The following WDR7 variants were observed in gnomAD, a reference collection of about 807,000 sequenced individuals.
WDR7 encodes the protein WD repeat domain 7.
WDR7 carries 46 observed loss-of-function variants against 169.4 expected under a neutral mutation model. The observed-to-expected ratio is 0.27, with a 90% confidence interval of 0.21 to 0.35. The LOEUF (loss-of-function observed/expected upper bound fraction) is 0.35, where lower values mean the gene tolerates loss of function less well. Ranked by LOEUF, WDR7 falls within the 10% of genes least tolerant of loss-of-function variation. The pLI is 1.00. For missense variants in WDR7, 1,534 were observed against 1,859.3 expected (o/e 0.83, Z 3.22); for synonymous variants, 612 against 666.8 (o/e 0.92, Z 1.27).
At chr18:56,926,558 C>T (rs1311544888) in intron 22 of WDR7, among the ~76,000 whole-genome samples, 1 of 152,068 alleles carries the variant, frequency 6.6e-6, no homozygotes. Context: ...TAGGCTTGTA[C>T]CAGCAAGCAT....
At chr18:56,982,313 C>T (rs1896651387) in intron 26 of WDR7, among the ~76,000 whole-genome samples, 1 of 152,166 alleles carries the variant, frequency 6.6e-6, no homozygotes, top group Admixed American at 6.6e-5. Context: ...GATTAATGAG[C>T]ATATCTGTTT....
chr18:56,921,881 C>G (rs1317791320), intron 21 of WDR7, among the ~76,000 whole-genome samples: 1 of 152,302 alleles, frequency 6.6e-6, no homozygotes, highest in Non-Finnish European at 1.5e-5. Flanking sequence ...AGGAATCAGT[C>G]AGGCCTCTAG....
At position 56,716,471 on chromosome 18, in the gene WDR7, G is replaced by C. The variant is rs748043150; in HGVS notation, c.1579-1493G>C. ...TAAGAATAAATAGTTAAATATTACTGTTATTTTTGTTTTATTACTATGCAG... is the reference window on the plus strand; with the variant it reads ...TAAGAATAAATAGTTAAATATTACTCTTATTTTTGTTTTATTACTATGCAG... On this transcript the variant is annotated intron_variant, in intron 12 of 27. Transcript: ENST00000254442. 4.6e-5 allele frequency among the ~76,000 whole-genome samples: 7 copies of C among 152,178 alleles called. 1 individual carries two copies. The highest frequency in any genetic ancestry group is 6.8e-3 in the Middle Eastern group (2 of 294).
intron 26 of WDR7, among the ~76,000 whole-genome samples, chr18:56,974,362 C>CTTTT (rs34901751): frequency 0.025 from 2,810 of 111,734 alleles, 180 homozygotes; most frequent in African/African-American, 0.092. Context: ...GCTTTTCTTG[C>CTTTT]TTTTTTTTTT....
intron 20 of WDR7, among the ~76,000 whole-genome samples, chr18:56,829,676 C>A (rs2045274750): frequency 2.0e-5 from 3 of 152,154 alleles, no homozygotes; most frequent in Admixed American, 2.0e-4. Context: ...TTATCAAAAA[C>A]CACATGATTG....
At chr18:56,816,010 T>C (rs1488410205) in intron 19 of WDR7, 21 bp from the exon 20 acceptor site, 8 of 1,555,726 alleles carry the variant, frequency 5.1e-6, no homozygotes, top group African/African-American at 2.8e-5. Flanking sequence ...AGTGAAGCCT[T>C]GTGATTCATA....
Position 56,686,023 on chromosome 18 carries a change from T to A in WDR7, c.588T>A (p.Ser196Arg). 2.5e-6 allele frequency: 4 copies of A among 1,595,680 alleles called. No homozygotes were observed. The highest frequency in any genetic ancestry group is 2.6e-6 in the Non-Finnish European group (3 of 1,173,902). The part of the protein sequence containing the change: ...LKVWIVTSEI[S>R]DMQDTEPIFE... ...TCTGGATTGTTACCTCGGAAATAAG[T>A]GACATGCAGGTGAGAAAAAGGAAAC... The change falls in exon 6 of 28, where the codon AGT becomes AGA. Residue 196 changes from serine (S) to arginine (R), a missense_variant. Coordinates refer to ENST00000254442, the MANE Select transcript of WDR7 (RefSeq NM_015285.3).
At chr18:56,901,925 C>G (rs1291552926) in intron 21 of WDR7, among the ~76,000 whole-genome samples, 1 of 152,086 alleles carries the variant, frequency 6.6e-6, no homozygotes. Flanking sequence ...AGAGGATTTA[C>G]TAGTGTCTTT....
rs1345683405 is a variant in WDR7, at chr18:56,757,171, C to T, written c.2578C>T (p.His860Tyr). The change falls in exon 15 of 28, where the codon CAT becomes TAT. Residue 860 changes from histidine to tyrosine, a missense_variant. Coordinates refer to ENST00000254442, the MANE Select transcript of WDR7 (RefSeq NM_015285.3). Reference protein sequence around the residue: ...GYNQPACKLSHGKTEVGRKLP... With the variant: ...GYNQPACKLSYGKTEVGRKLP... ...TAATCAGCCTGCTTGTAAACTGTCA[C>T]ATGGGAAAACAGAAGTAGGAAGGAA... 1 of 1,613,952 alleles carries T rather than the reference C, an allele frequency of 6.2e-7. No homozygotes were observed. Among genetic ancestry groups the T allele is most frequent in the East Asian group, 2.2e-5 (1 of 44,890 alleles).
chr18:56,993,924 C>T (rs898546101), intron 26 of WDR7, among the ~76,000 whole-genome samples: 1 of 151,988 alleles, frequency 6.6e-6, no homozygotes, highest in Non-Finnish European at 1.5e-5. Context: ...TAGTATACCG[C>T]TTACTTTATA....
Position 56,964,210 on chromosome 18 carries a change from A to C in WDR7, c.4164+1681A>C, listed in dbSNP as rs113909961. ...CTCAGTGAAGATCTTGGTAACATGC[A>C]AAAAAAAAAAAAAAAAAGAATATTT... is the stretch of plus-strand genomic sequence containing the variant. On this transcript the variant is annotated intron_variant, in intron 26 of 27. Coordinates refer to ENST00000254442, the MANE Select transcript of WDR7 (RefSeq NM_015285.3). Among the ~76,000 whole-genome samples the C allele has an allele frequency of 9.0e-3, 891 of 99,508 alleles. 3 individuals are homozygous for C. Among genetic ancestry groups the C allele is most frequent in the Non-Finnish European group, 0.014 (693 of 48,946 alleles). The allele number at this position is 99,508 out of a possible 152,430, so 65.3% of individuals were successfully genotyped here.
At chr18:56,977,031 G>C (rs1405992000) in intron 26 of WDR7, among the ~76,000 whole-genome samples, 1 of 152,194 alleles carries the variant, frequency 6.6e-6, no homozygotes, top group East Asian at 1.9e-4. Context: ...TTGAGACCCA[G>C]AACAAGTGAC....
At chr18:56,907,212 C>T (rs1051038882) in intron 21 of WDR7, among the ~76,000 whole-genome samples, 6 of 152,182 alleles carry the variant, frequency 3.9e-5, no homozygotes, top group Non-Finnish European at 7.3e-5. Context: ...TTGAAAAATG[C>T]TTAAAATATG....
At chr18:56,970,427 A>T (rs546085156) in intron 26 of WDR7, among the ~76,000 whole-genome samples, 16 of 152,224 alleles carry the variant, frequency 1.1e-4, no homozygotes, top group Non-Finnish European at 2.1e-4. Flanking sequence ...TTCAATATTT[A>T]AAAAAATGTA....
At chr18:56,661,793 T>C (rs936708684) in intron 1 of WDR7, among the ~76,000 whole-genome samples, 12 of 152,210 alleles carry the variant, frequency 7.9e-5, no homozygotes, top group African/African-American at 2.9e-4. Context: ...CCTAGCTGTT[T>C]CATAGTAGTA....
At chr18:56,870,217 A>G (rs1272238265) in intron 20 of WDR7, among the ~76,000 whole-genome samples, 6 of 152,100 alleles carry the variant, frequency 3.9e-5, no homozygotes, top group African/African-American at 1.2e-4. Context: ...TTTTTTTCCT[A>G]TTGTTAGCAA....
At chr18:56,779,241 A>G (rs2044283375) in intron 17 of WDR7, among the ~76,000 whole-genome samples, 190 bp from the exon 18 acceptor site, 1 of 152,208 alleles carries the variant, frequency 6.6e-6, no homozygotes, top group Non-Finnish European at 1.5e-5. Context: ...GGCACCAATT[A>G]CATGATTTAG....
At chr18:56,968,754 A>C (rs1251204777) in intron 26 of WDR7, among the ~76,000 whole-genome samples, 1 of 152,124 alleles carries the variant, frequency 6.6e-6, no homozygotes, top group African/African-American at 2.4e-5. Context: ...AGCCACTGAA[A>C]CCACACACAT....
At chr18:56,770,314 A>T (rs748499102) in intron 16 of WDR7, among the ~76,000 whole-genome samples, 32 of 152,224 alleles carry the variant, frequency 2.1e-4, no homozygotes, top group African/African-American at 7.5e-4. Flanking sequence ...TGCTTAGCCC[A>T]ATATCGACAT....
Sources: gnomAD v4.1 joint callset for allele counts (sites outside exome capture counted in the v4.1 genomes callset) on GRCh38, gnomAD v4.1.1 for gene constraint, MANE v1.5 for transcripts, NCBI Gene and HGNC (gene_info 2026-07-23, HGNC 2026-07-21) for gene names.